The following FCSK variants were observed in gnomAD, a reference collection of about 807,000 sequenced individuals.
The protein encoded by FCSK is L-fucose kinase.
FCSK carries 123 observed loss-of-function variants against 122.5 expected under a neutral mutation model. The observed-to-expected ratio is 1.00, with a 90% confidence interval of 0.87 to 1.17. FCSK has a LOEUF of 1.17. Ranked by LOEUF, FCSK falls within the 50% of genes most tolerant of loss-of-function variation. The probability of loss-of-function intolerance (pLI) is 0.00; values close to 1 mark genes in which losing one functional copy is unlikely to be tolerated. For synonymous variants in FCSK, 620 were observed against 625.5 expected (o/e 0.99, Z 0.13); for missense variants, 1,366 against 1,450.4 (o/e 0.94, Z 0.95).
chr16:70,475,820 C>T (rs2048793211), intron 20 of FCSK, 53 bp downstream of exon 20: 21 of 1,488,052 alleles, frequency 1.4e-5, no homozygotes, highest in Middle Eastern at 1.9e-4. Context: ...CCCAAGGGCC[C>T]GCGGGGGGAG....
chr16:70,472,588 C>T lies in FCSK; in HGVS notation c.1389C>T (p.Phe463=). 6.2e-7 allele frequency: 1 copy of T among 1,613,190 alleles called. No homozygotes were observed. Among genetic ancestry groups the T allele is most frequent in the Non-Finnish European group, 8.5e-7 (1 of 1,179,560 alleles). Reference sequence around the variant, plus strand: ...TCAACGTGCCCTGGAGTGAATTCTTCAAGAGGACAGGTGTTCGGTAAGGTG... The same window carrying T: ...TCAACGTGCCCTGGAGTGAATTCTTTAAGAGGACAGGTGTTCGGTAAGGTG... ...TYLNVPWSEF[F]KRTGVRAWDL... The change falls in exon 14 of 24, where the codon TTC becomes TTT. Residue 463 remains phenylalanine, a synonymous_variant. Transcript: ENST00000288078.
chr16:70,460,636 C>G (rs2048237286), intron 1 of FCSK, among the ~76,000 whole-genome samples: 1 of 152,134 alleles, frequency 6.6e-6, no homozygotes, highest in Non-Finnish European at 1.5e-5. Flanking sequence ...AACTCCTGAC[C>G]TCGTGATCTG....
Position 70,469,294 on chromosome 16 carries a change from G to C in FCSK, c.926G>C (p.Arg309Thr), listed in dbSNP as rs757475030. Residue 309 changes from arginine to threonine, a missense_variant, in exon 10 of 24, where the codon AGG becomes ACG. By Grantham distance (71) the Arg-to-Thr change is moderately conservative (BLOSUM62 -1). Transcript: ENST00000288078. ...CAGAGCGCCCGGGCCCAGCTGTGGAGGGAGCTTCGCGATCAGCCCCTTACC... is the reference window on the plus strand; with the variant it reads ...CAGAGCGCCCGGGCCCAGCTGTGGACGGAGCTTCGCGATCAGCCCCTTACC... ...YLQSARAQLWRELRDQPLTMA... is the reference protein window; with the variant it reads ...YLQSARAQLWTELRDQPLTMA... 1 of 1,609,460 alleles carries C rather than the reference G, an allele frequency of 6.2e-7. No individual in the cohort carries two copies. Among genetic ancestry groups the C allele is most frequent in the Non-Finnish European group, 8.5e-7 (1 of 1,178,730 alleles).
Position 70,478,627 on chromosome 16 carries a change from A to C in FCSK, c.2906A>C (p.Glu969Ala), listed in dbSNP as rs752339016. The C allele has an allele frequency of 1.2e-6, 2 of 1,613,424 alleles. No individual in the cohort carries two copies. The highest frequency in any genetic ancestry group is 1.7e-6 in the Non-Finnish European group (2 of 1,179,992). ...CACAGCCTGGTACGGCAAACTGAGG[A>C]GTGTGCTGAAGGCTTCCGCCAAGGT... ...NAHSLVRQTE[E>A]CAEGFRQGSL... Residue 969 changes from glutamate (E) to alanine (A), a missense_variant, in exon 22 of 24, where the codon GAG (glutamate) becomes GCG (alanine). By Grantham distance (107) the Glu-to-Ala change is moderately radical. Coordinates refer to ENST00000288078, the MANE Select transcript of FCSK (RefSeq NM_145059.3).
At chr16:70,464,079 G>T (rs1206575207) in intron 3 of FCSK, among the ~76,000 whole-genome samples, 2 of 152,198 alleles carry the variant, frequency 1.3e-5, no homozygotes, top group Non-Finnish European at 2.9e-5. Context: ...GCAACGAACT[G>T]TTCGCTGGAC....
chr16:70,473,257 G>A lies in FCSK; in HGVS notation c.1681G>A (p.Val561Met), dbSNP rs1219506548. ...CCAGGCCCTGCATAAGGCGCGGCAC[G>A]TGCTGGAGGCCCGGCAGGACCTCAG... The part of the protein sequence containing the change: ...FRQALHKARH[V>M]LEARQDLSLR... The change falls in exon 15 of 24, where the codon GTG (valine) becomes ATG (methionine). Residue 561 changes from valine (V) to methionine (M), a missense_variant. Transcript: ENST00000288078. The surrounding 1 kb of genome is among the most constrained non-coding windows in gnomAD (Gnocchi z 4.9). 20 of 1,531,942 alleles carry A rather than the reference G, an allele frequency of 1.3e-5. No homozygotes were observed. The highest frequency in any genetic ancestry group is 2.4e-5 in the South Asian group (2 of 83,796). The allele number at this position is 1,531,942 out of a possible 1,614,324, so 94.9% of individuals were successfully genotyped here. A position where few individuals can be genotyped will look rare whatever the true frequency, so the allele number is the denominator to read the frequency against.
At position 70,475,628 on chromosome 16, in the gene FCSK, C is replaced by G. The variant is rs544474602; in HGVS notation, c.2522-20C>G. ...AGGGTGGAGGTGTTTCATGTCTGCT[C>G]TCTCCTCTCCGCCCTGCAGGCACCA... On this transcript the variant is annotated intron_variant, in intron 19 of 23. Coordinates refer to ENST00000288078, the MANE Select transcript of FCSK (RefSeq NM_145059.3). The G allele has an allele frequency of 7.6e-6, 12 of 1,576,408 alleles. No homozygotes were observed. The highest frequency in any genetic ancestry group is 6.8e-5 in the South Asian group (6 of 87,606).
intron 22 of FCSK, 77 bp from the exon 23 acceptor site, chr16:70,479,103 T>C: frequency 1.8e-6 from 2 of 1,142,794 alleles, no homozygotes; most frequent in Non-Finnish European, 2.5e-6. Context: ...GCAGCACGTC[T>C]TGGCACTTCA....
chr16:70,473,337 G>A lies in FCSK; in HGVS notation c.1761G>A (p.Leu587=). Residue 587 remains leucine, a synonymous_variant, in exon 15 of 24, where the codon CTG becomes CTA. Transcript: ENST00000288078. The surrounding 1 kb of genome is among the most constrained non-coding windows in gnomAD (Gnocchi z 4.9). ...GCGAGGGCTGCCCCGGGCCCCTGCT[G>A]GCCACGCTGGACCAGGGTGAGTGTG... ...AVREGCPGPL[L]ATLDQVAAGA... 6.6e-7 allele frequency: 1 copy of A among 1,506,138 alleles called. No individual in the cohort carries two copies. The highest frequency in any genetic ancestry group is 8.9e-7 in the Non-Finnish European group (1 of 1,123,704). 93.3% of individuals were successfully genotyped at this position (1,506,138 alleles called of 1,614,324 possible).
At position 70,474,974 on chromosome 16, in the gene FCSK, G is replaced by A; in HGVS notation, c.2340G>A (p.Leu780=). The A allele has an allele frequency of 6.2e-7, 1 of 1,609,834 alleles. No homozygotes were observed. Among genetic ancestry groups the A allele is most frequent in the Non-Finnish European group, 8.5e-7 (1 of 1,178,688 alleles). The change falls in exon 18 of 24, where the codon CTG becomes CTA. Residue 780 remains leucine, a synonymous_variant. Coordinates refer to ENST00000288078, the MANE Select transcript of FCSK (RefSeq NM_145059.3). ...EMTVKIVCRC[L]ADLRDYCQPH... ...CTGTGAAGATAGTGTGCCGGTGCCT[G>A]GCTGACCTGCGGGACTACTGCCAGC... is the stretch of plus-strand genomic sequence containing the variant.
chr16:70,466,475 T>C, intron 5 of FCSK: 1 of 565,094 alleles, frequency 1.8e-6, no homozygotes, highest in Non-Finnish European at 3.1e-6. Flanking sequence ...GGAGGATCGC[T>C]TGAGGCCAAG....
In FCSK at chr16:70,468,938, A is replaced by G; in HGVS notation, c.753A>G (p.Leu251=). ...VSPPLDACTY[L]GLDSGARPVQ... Reference sequence around the variant, plus strand: ...CGCCCCTGGATGCCTGCACCTACCTAGGCTTGGACTCCGGAGCCCGGCCTG... The same window carrying G: ...CGCCCCTGGATGCCTGCACCTACCTGGGCTTGGACTCCGGAGCCCGGCCTG... Residue 251 remains leucine, a synonymous_variant, in exon 9 of 24, where the codon CTA becomes CTG. Coordinates refer to ENST00000288078, the MANE Select transcript of FCSK (RefSeq NM_145059.3). 1 of 1,613,492 alleles carries G rather than the reference A, an allele frequency of 6.2e-7. No homozygotes were observed. Among genetic ancestry groups the G allele is most frequent in the Non-Finnish European group, 8.5e-7 (1 of 1,179,944 alleles).
chr16:70,472,507 C>T (rs762760211), intron 13 of FCSK, 34 bp from the exon 14 acceptor site: 5 of 1,578,188 alleles, frequency 3.2e-6, no homozygotes, highest in Non-Finnish European at 4.3e-6. Context: ...TCCTGTGGCC[C>T]CTGCAGCCCT....
At position 70,467,418 on chromosome 16, in the gene FCSK, C is replaced by G; in HGVS notation, c.529C>G (p.Pro177Ala). ...CCGGGGAGCCAGAGTGATCGCCCTC[C>G]CAGGGAGCCCGGCCTACGCTCAGAA... ...SFRGARVIAL[P>A]GSPAYAQNHG... The change falls in exon 7 of 24, where the codon CCA becomes GCA. Residue 177 changes from proline (P) to alanine (A), a missense_variant. Pro to Ala is a conservative substitution (Grantham distance 27, BLOSUM62 -1). Transcript: ENST00000288078. The G allele has an allele frequency of 6.2e-7, 1 of 1,611,006 alleles. No homozygotes were observed. The highest frequency in any genetic ancestry group is 1.1e-5 in the South Asian group (1 of 90,410).
rs369654490 is a variant in FCSK, at chr16:70,468,837, G to A, written c.664-12G>A. 24 of 1,613,802 alleles carry A rather than the reference G, an allele frequency of 1.5e-5. No individual in the cohort carries two copies. In the African/African-American group the frequency reaches 2.7e-4, roughly 18 times the overall value. ...GGCCCTCCATCTCTGATCCTTTTGG[G>A]GTCCCTTCCAGGTCTCTGGGGTTGT... is the stretch of plus-strand genomic sequence containing the variant. On this transcript the variant is annotated splice_polypyrimidine_tract_variant and intron_variant, in intron 8 of 23. Transcript: ENST00000288078.
chr16:70,475,750 A>G lies in FCSK; in HGVS notation c.2624A>G (p.Glu875Gly). The change falls in exon 20 of 24, where the codon GAG (glutamate) becomes GGG (glycine). Residue 875 changes from glutamate to glycine, a missense_variant. Glu to Gly is a moderately conservative substitution (Grantham distance 98, BLOSUM62 -2). Transcript: ENST00000288078. ...CTGATCCACGCAGTGCTGCACCTGG[A>G]GCAGGTGCTCACCACTGGTATGTGA... Reference protein sequence around the residue: ...EALIHAVLHLEQVLTTGGGWQ... With the variant: ...EALIHAVLHLGQVLTTGGGWQ... The G allele has an allele frequency of 6.3e-7, 1 of 1,590,052 alleles. No individual in the cohort carries two copies.
chr16:70,479,493 G>T (rs1295610109), intron 23 of FCSK, 86 bp from the exon 24 acceptor site: 2 of 1,476,692 alleles, frequency 1.4e-6, no homozygotes, highest in South Asian at 2.4e-5. Flanking sequence ...ATATCTGTAA[G>T]TCCCCCTGGT....
intron 22 of FCSK, 111 bp downstream of exon 22, chr16:70,478,761 C>T (rs2048900151): frequency 5.7e-6 from 5 of 884,224 alleles, no homozygotes; most frequent in South Asian, 2.8e-5. Flanking sequence ...GATATTCGGC[C>T]TCTGGGAACA....
chr16:70,464,923 C>A, intron 3 of FCSK: 1 of 1,084,416 alleles, frequency 9.2e-7, no homozygotes, highest in Non-Finnish European at 1.3e-6. Flanking sequence ...AAGAAGGTGG[C>A]CCAGGTGGAG....
Sources: gnomAD v4.1 joint callset for allele counts (sites outside exome capture counted in the v4.1 genomes callset) on GRCh38, gnomAD v4.1.1 for gene constraint, Gnocchi (gnomAD v3.1) non-coding constraint, MANE v1.5 for transcripts, NCBI Gene and HGNC (gene_info 2026-07-23, HGNC 2026-07-21) for gene names.